The following HNRNPM variants were observed in gnomAD, a reference collection of about 807,000 sequenced individuals.
HNRNPM encodes CEA receptor.
In HNRNPM, 11 loss-of-function variants were observed where a neutral mutation model predicts 73.1. The observed-to-expected ratio is 0.15, with a 90% CI of 0.09 to 0.25. The LOEUF is 0.25. Ranked by LOEUF, HNRNPM falls within the 10% of genes least tolerant of loss-of-function variation. The pLI is 1.00. For synonymous variants in HNRNPM, 407 were observed against 355.2 expected, an observed-to-expected ratio of 1.15 and a Z score of -1.64; for missense variants, 789 against 1,067.9, an observed-to-expected ratio of 0.74 and a Z score of 3.64.
intron 2 of HNRNPM, among the ~76,000 whole-genome samples, chr19:8,461,184 G>A (rs1228589900): frequency 6.6e-6 from 1 of 152,198 alleles, no homozygotes; most frequent in African/African-American, 2.4e-5. Flanking sequence ...GGCTCTAGAT[G>A]TAAACTTTGG....
chr19:8,448,217 A>G (rs1032060130), intron 1 of HNRNPM, among the ~76,000 whole-genome samples: 1 of 152,162 alleles, frequency 6.6e-6, no homozygotes, highest in Admixed American at 6.5e-5. Flanking sequence ...CCACAAATGC[A>G]GTGAGCTAGC....
intron 5 of HNRNPM, 30 bp from the exon 6 acceptor site, chr19:8,465,294 T>G (rs1321491309): frequency 6.4e-7 from 1 of 1,565,884 alleles, no homozygotes; most frequent in South Asian, 1.2e-5. Flanking sequence ...CTGGGTCAGT[T>G]AAACGTAACA....
chr19:8,485,710 G>C lies in HNRNPM; in HGVS notation c.1282G>C (p.Asp428His). 1 of 1,607,176 alleles carries C rather than the reference G, an allele frequency of 6.2e-7. No individual in the cohort carries two copies. The highest frequency in any genetic ancestry group is 8.5e-7 in the Non-Finnish European group (1 of 1,179,666). The change falls in exon 14 of 16, where the codon GAT becomes CAT. Residue 428 changes from aspartate (D) to histidine (H), a missense_variant. This residue lies in a region of HNRNPM where 604 missense variants were observed against 744.0 expected (regional missense o/e 0.81). Coordinates refer to ENST00000325495, the MANE Select transcript of HNRNPM (RefSeq NM_005968.5). The stretch of plus-strand genomic sequence containing the variant: ...GGGCGCGGGCCTGGGCCACGGCATG[G>C]ATCGCGTGGGCTCCGAGATCGAGCG... ...RMGAGLGHGM[D>H]RVGSEIERMG...
intron 2 of HNRNPM, among the ~76,000 whole-genome samples, chr19:8,459,942 G>A (rs1020517555): frequency 6.6e-5 from 10 of 152,144 alleles, no homozygotes; most frequent in Admixed American, 5.9e-4. Flanking sequence ...GATGTTTTAA[G>A]CTGCAGTAGA....
At chr19:8,482,071 C>G (rs1970960553) in intron 12 of HNRNPM, among the ~76,000 whole-genome samples, 1 of 148,124 alleles carries the variant, frequency 6.8e-6, no homozygotes, top group Non-Finnish European at 1.5e-5. Flanking sequence ...CTCCAGGGTT[C>G]AAGCGATTCT....
intron 8 of HNRNPM, among the ~76,000 whole-genome samples, 190 bp from the exon 9 acceptor site, chr19:8,468,584 C>T (rs1447490910): frequency 6.6e-6 from 1 of 152,154 alleles, no homozygotes; most frequent in Non-Finnish European, 1.5e-5. Context: ...ACAATAATAT[C>T]CATGTGTCTT....
At chr19:8,454,213 C>G (rs2145624251) in intron 1 of HNRNPM, among the ~76,000 whole-genome samples, 1 of 152,316 alleles carries the variant, frequency 6.6e-6, no homozygotes, top group African/African-American at 2.4e-5. Context: ...AAATTCTATG[C>G]TCAGTATTTA....
In HNRNPM at chr19:8,471,390, G is replaced by A; in HGVS notation, c.960G>A (p.Leu320=). Residue 320 remains leucine, a synonymous_variant, in exon 10 of 16, where the codon CTG becomes CTA. Transcript: ENST00000325495. ...GGCAACCCATTGATGCCAATCACCT[G>A]AATAAAGGCATCGGAATGGGAAACA... The part of the protein sequence containing the change: ...PGGQPIDANH[L]NKGIGMGNIG... 6.2e-7 allele frequency: 1 copy of A among 1,607,866 alleles called. No individual in the cohort carries two copies. The highest frequency in any genetic ancestry group is 8.5e-7 in the Non-Finnish European group (1 of 1,177,118).
chr19:8,486,568 G>T (rs1317117110), intron 14 of HNRNPM, among the ~76,000 whole-genome samples, 163 bp downstream of exon 14: 1 of 152,224 alleles, frequency 6.6e-6, no homozygotes, highest in Non-Finnish European at 1.5e-5. Flanking sequence ...AGGAATGTGA[G>T]AACTGTGGGT....
At chr19:8,481,123 A>G (rs1970886977) in intron 12 of HNRNPM, among the ~76,000 whole-genome samples, 1 of 152,080 alleles carries the variant, frequency 6.6e-6, no homozygotes, top group African/African-American at 2.4e-5. Context: ...TCCTGTGCCT[A>G]GGCAGTAGAT....
chr19:8,462,676 G>C lies in HNRNPM; in HGVS notation c.336+95G>C. The C allele has an allele frequency of 9.6e-7, 1 of 1,040,614 alleles. No individual in the cohort carries two copies. Among genetic ancestry groups the C allele is most frequent in the Non-Finnish European group, 1.5e-6 (1 of 657,946 alleles). 64.5% of individuals were successfully genotyped at this position (1,040,614 alleles called of 1,614,324 possible). ...TCGAATGAAATCAGGAAGGCAGTGA[G>C]TGCTCATGTTACAGTAGCTATGTTT... is the stretch of plus-strand genomic sequence containing the variant. On this transcript the variant is annotated intron_variant, in intron 3 of 15. Coordinates refer to ENST00000325495, the MANE Select transcript of HNRNPM (RefSeq NM_005968.5). The surrounding 1 kb of genome is among the most constrained non-coding windows in gnomAD (Gnocchi z 4.5).
At chr19:8,447,170 C>T (rs999617097) in intron 1 of HNRNPM, among the ~76,000 whole-genome samples, 3 of 151,732 alleles carry the variant, frequency 2.0e-5, no homozygotes, top group African/African-American at 7.3e-5. Flanking sequence ...GAGAAAGAGG[C>T]TCAAAGTCTC....
chr19:8,463,186 G>A (rs1214842979), intron 3 of HNRNPM, among the ~76,000 whole-genome samples: 1 of 152,188 alleles, frequency 6.6e-6, no homozygotes, highest in Non-Finnish European at 1.5e-5. Context: ...AGTACAGAGG[G>A]AAGCAGATCT....
intron 10 of HNRNPM, among the ~76,000 whole-genome samples, chr19:8,472,581 A>T (rs1450383878): frequency 6.6e-6 from 1 of 152,170 alleles, no homozygotes; most frequent in Non-Finnish European, 1.5e-5. Flanking sequence ...TACCTTTAAC[A>T]GGGATTGATT....
intron 13 of HNRNPM, among the ~76,000 whole-genome samples, chr19:8,483,657 A>C (rs77520511): frequency 0.013 from 1,924 of 152,370 alleles, 18 homozygotes; most frequent in Non-Finnish European, 0.02. Flanking sequence ...CATTAGGAAA[A>C]TATGAAGAAA....
In HNRNPM at chr19:8,462,609, G is replaced by A; in HGVS notation, c.336+28G>A. ...AAGTGTCTGAGAGAATTTCTTCTGT[G>A]GATTTACTACATGAAAAATGTAACT... is the stretch of plus-strand genomic sequence containing the variant. On this transcript the variant is annotated intron_variant, in intron 3 of 15. Coordinates refer to ENST00000325495, the MANE Select transcript of HNRNPM (RefSeq NM_005968.5). This position sits in a 1 kb window ranked among gnomAD's most constrained non-coding sequence, Gnocchi z 4.5. The A allele has an allele frequency of 1.9e-6, 3 of 1,573,248 alleles. No homozygotes were observed. Among genetic ancestry groups the A allele is most frequent in the Non-Finnish European group, 2.6e-6 (3 of 1,142,730 alleles).
chr19:8,463,491 C>T lies in HNRNPM; in HGVS notation c.337-6C>T, dbSNP rs762641915. 3 of 1,614,040 alleles carry T rather than the reference C, an allele frequency of 1.9e-6. No individual in the cohort carries two copies. The highest frequency in any genetic ancestry group is 2.5e-6 in the Non-Finnish European group (3 of 1,179,936). On this transcript the variant is annotated splice_polypyrimidine_tract_variant and splice_region_variant and intron_variant, in intron 3 of 15. Transcript: ENST00000325495. ...TCTTCTGACTGGTCTCTGGCTTCCT[C>T]CAAAGGGATGTGCGTAAGTATCGTC...
rs1216275124 is a variant in HNRNPM at position 8,485,657 on chromosome 19, G to T, written c.1229G>T (p.Arg410Leu). Residue 410 changes from arginine to leucine, a missense_variant, in exon 14 of 16, where the codon CGC becomes CTC. Coordinates refer to ENST00000325495, the MANE Select transcript of HNRNPM (RefSeq NM_005968.5). ...GAGAGGATGGGTCCTGGCATTGACC[G>T]CCTCGGGGGTGCCGGCATGGAGCGC... ...GIERMGPGID[R>L]LGGAGMERMG... is the part of the protein sequence containing the mutation. 6.2e-7 allele frequency: 1 copy of T among 1,607,634 alleles called. No individual in the cohort carries two copies. The highest frequency in any genetic ancestry group is 1.1e-5 in the South Asian group (1 of 91,002).
At chr19:8,455,888 G>A (rs190708232) in intron 2 of HNRNPM, among the ~76,000 whole-genome samples, 4 of 149,280 alleles carry the variant, frequency 2.7e-5, no homozygotes, top group East Asian at 4.0e-4. Context: ...GAGCCTTTTC[G>A]TGTTGAAATT....
Sources: gnomAD v4.1 joint callset for allele counts (sites outside exome capture counted in the v4.1 genomes callset) on GRCh38, gnomAD v4.1.1 for gene constraint, gnomAD v4.1.1 regional missense constraint, Gnocchi (gnomAD v3.1) non-coding constraint, MANE v1.5 for transcripts, NCBI Gene and HGNC (gene_info 2026-07-23, HGNC 2026-07-21) for gene names.